MRE11: variants seen among roughly 807,000 people sequenced by gnomAD.
MRE11 encodes double-strand break repair protein MRE11.
Under a neutral mutation model 91.7 loss-of-function variants are expected in MRE11, and 62 were observed. That is an observed-to-expected ratio of 0.68 (90% CI 0.55 to 0.84). The LOEUF is 0.84. MRE11 is among the 40% of genes least tolerant of loss of function. MRE11 has a pLI of 0.00. For synonymous variants in MRE11, 273 were observed against 271.4 expected, an observed-to-expected ratio of 1.01 and a Z score of -0.06; for missense variants, 796 against 852.9, an observed-to-expected ratio of 0.93 and a Z score of 0.83.
At chr11:94,437,931 C>T (rs1305487868) in intron 16 of MRE11, among the ~76,000 whole-genome samples, 1 of 151,904 alleles carries the variant, frequency 6.6e-6, no homozygotes, top group Non-Finnish European at 1.5e-5. Flanking sequence ...TCAAGACAAG[C>T]CTGGCCAACA....
chr11:94,426,315 T>G (rs1052609519), intron 19 of MRE11, among the ~76,000 whole-genome samples: 2 of 151,962 alleles, frequency 1.3e-5, no homozygotes, highest in Admixed American at 6.6e-5. Flanking sequence ...ATTAATTTCA[T>G]TAATGAAAAT....
intron 4 of MRE11, 40 bp downstream of exon 4, chr11:94,485,884 A>C (rs902417858): frequency 6.3e-7 from 1 of 1,589,610 alleles, no homozygotes. Flanking sequence ...CAAATACCAT[A>C]CACAAGTAAT....
chr11:94,479,845 T>C (rs746869869), intron 4 of MRE11, 84 bp from the exon 5 acceptor site: 7 of 1,066,738 alleles, frequency 6.6e-6, no homozygotes, highest in Non-Finnish European at 9.9e-6. Context: ...ATTAATGCAA[T>C]CATAGGCAAA....
At chr11:94,494,066 C>CT, upstream of MRE11, 1 of 152,514 alleles carries the variant, frequency 6.6e-6, no homozygotes, top group Non-Finnish European at 1.5e-5. Context: ...CCGGACCTCG[C>CT]TTTTTGATGG....
chr11:94,449,827 G>C (rs1463053958), intron 14 of MRE11, among the ~76,000 whole-genome samples: 1 of 152,148 alleles, frequency 6.6e-6, no homozygotes, highest in Admixed American at 6.5e-5. Context: ...ATGTATTTGG[G>C]TATCTAAGCA....
At position 94,416,126 on chromosome 11, in the gene MRE11, A is replaced by C. The variant is rs1945027528; in HGVS notation, c.*3999T>G. On this transcript the variant is annotated 3_prime_UTR_variant, in exon 20 of 20. Transcript: ENST00000323929. ...GTGCCCGGTGCTGGGATTCTAATTC[A>C]ACAATTTTTCTTGGTAGTCTTGCCA... 1 of 152,188 alleles carries C rather than the reference A, an allele frequency of 6.6e-6. No individual in the cohort carries two copies. The highest frequency in any genetic ancestry group is 6.5e-5 in the Admixed American group (1 of 15,282). 9.4% of individuals were successfully genotyped at this position (152,188 alleles called of 1,614,324 possible).
Position 94,471,688 on chromosome 11 carries a change from C to A in MRE11, c.731G>T (p.Gly244Val), listed in dbSNP as rs1289228769. ...LDDFIDLVIW[G>V]HEHECKIAPT... ...AGCTATTTTACACTCATGTTCATGG[C>A]CCCAGATAACAAGATCAATGAAGTC... The change falls in exon 8 of 20, where the codon GGC becomes GTC. Residue 244 changes from glycine to valine, a missense_variant. Physicochemically the swap from Gly to Val is moderately radical, Grantham distance 109. Coordinates refer to ENST00000323929, the MANE Select transcript of MRE11 (RefSeq NM_005591.4). 1 of 1,612,618 alleles carries A rather than the reference C, an allele frequency of 6.2e-7. No homozygotes were observed. Among genetic ancestry groups the A allele is most frequent in the Non-Finnish European group, 8.5e-7 (1 of 1,179,116 alleles).
At chr11:94,476,226 G>T in intron 7 of MRE11, 63 bp downstream of exon 7, 1 of 1,025,914 alleles carries the variant, frequency 9.7e-7, no homozygotes, top group Non-Finnish European at 1.5e-6. Context: ...AAATAGGTAA[G>T]CTCAGAAACA....
In MRE11 at chr11:94,459,519, G is replaced by C. The variant is rs1226046388; in HGVS notation, c.1389C>G (p.Asp463Glu). ...GMGEAVQEFVDKEEKDAIEEL... is the reference protein window; with the variant it reads ...GMGEAVQEFVEKEEKDAIEEL... ...CCTCAATGGCATCTTTCTCCTCCTT[G>C]TCCACAAATTCTTGTACTGCTTCAC... Residue 463 changes from aspartate to glutamate, a missense_variant, in exon 13 of 20, where the codon GAC becomes GAG. Coordinates refer to ENST00000323929, the MANE Select transcript of MRE11 (RefSeq NM_005591.4). 1 of 1,613,936 alleles carries C rather than the reference G, an allele frequency of 6.2e-7. No individual in the cohort carries two copies. The highest frequency in any genetic ancestry group is 8.5e-7 in the Non-Finnish European group (1 of 1,179,898).
chr11:94,478,499 T>C (rs145771792), intron 6 of MRE11, among the ~76,000 whole-genome samples: 1 of 152,204 alleles, frequency 6.6e-6, no homozygotes, highest in East Asian at 1.9e-4. Context: ...TATTCTATAA[T>C]TCTAACATTC....
Position 94,468,040 on chromosome 11 carries a change from T to C in MRE11, c.1018-147A>G, listed in dbSNP as rs1452833330. 5 of 675,830 alleles carry C rather than the reference T, an allele frequency of 7.4e-6. No homozygotes were observed. In the Admixed American group the frequency reaches 9.5e-5, roughly 13 times the overall value. The allele number at this position is 675,830 out of a possible 1,614,324, so 41.9% of individuals were successfully genotyped here. A position where few individuals can be genotyped will look rare whatever the true frequency, so the allele number is the denominator to read the frequency against. ...TTATGACACCTTTTCAAATATACCTTCTTGTAATGCTCCTTTAATACTATT... is the reference window on the plus strand; with the variant it reads ...TTATGACACCTTTTCAAATATACCTCCTTGTAATGCTCCTTTAATACTATT... On this transcript the variant is annotated intron_variant, in intron 9 of 19. Transcript: ENST00000323929.
At chr11:94,495,153 C>T (rs1947394716), upstream of MRE11, among the ~76,000 whole-genome samples, 1 of 152,110 alleles carries the variant, frequency 6.6e-6, no homozygotes, top group Non-Finnish European at 1.5e-5. Context: ...GAGTTTAGTG[C>T]TATTGCCACT....
At chr11:94,447,559 T>C in intron 14 of MRE11, 121 bp from the exon 15 acceptor site, 1 of 995,692 alleles carries the variant, frequency 1.0e-6, no homozygotes, top group Non-Finnish European at 1.5e-6. Flanking sequence ...GCTGACACAG[T>C]GGCTCACGCC....
intron 7 of MRE11, among the ~76,000 whole-genome samples, chr11:94,474,202 T>C (rs374030277): frequency 3.9e-5 from 6 of 152,048 alleles, no homozygotes; most frequent in African/African-American, 1.4e-4. Flanking sequence ...CAGGGCTAGG[T>C]AGGAAAATAT....
Position 94,492,638 on chromosome 11 carries a change from A to G in MRE11, c.20+144T>C, listed in dbSNP as rs187413809. 8 of 1,341,452 alleles carry G rather than the reference A, an allele frequency of 6.0e-6. No individual in the cohort carries two copies. In the Admixed American group the frequency reaches 1.5e-4, roughly 26 times the overall value. The allele number at this position is 1,341,452 out of a possible 1,614,324, so 83.1% of individuals were successfully genotyped here. On this transcript the variant is annotated intron_variant, in intron 2 of 19. Coordinates refer to ENST00000323929, the MANE Select transcript of MRE11 (RefSeq NM_005591.4). ...CAGATAAATATTTAAAACATTCCAA[A>G]TACCCTTTTTGATGACTAATATTTC...
At chr11:94,426,330 A>T (rs1414551518) in intron 19 of MRE11, among the ~76,000 whole-genome samples, 8 of 152,132 alleles carry the variant, frequency 5.3e-5, no homozygotes, top group Non-Finnish European at 2.9e-5. Context: ...GAAAATAAAA[A>T]TAGAATCACA....
At chr11:94,423,135 C>T (rs1233969506) in intron 19 of MRE11, among the ~76,000 whole-genome samples, 2 of 152,162 alleles carry the variant, frequency 1.3e-5, no homozygotes, top group African/African-American at 4.8e-5. Flanking sequence ...ATATTTTGAG[C>T]AGATCTTTGG....
At chr11:94,433,228 T>C (rs1389308598) in intron 18 of MRE11, among the ~76,000 whole-genome samples, 2 of 152,232 alleles carry the variant, frequency 1.3e-5, no homozygotes, top group African/African-American at 2.4e-5. Context: ...TCCTTTCAGA[T>C]AAGCTTGTTT....
chr11:94,509,495 T>C, the MRE11 span, among the ~76,000 whole-genome samples: 1 of 152,120 alleles, frequency 6.6e-6, no homozygotes, highest in Admixed American at 6.5e-5. Flanking sequence ...CAGGCTGGAG[T>C]GCAGTGATGC....
Sources: gnomAD v4.1 joint callset for allele counts (sites outside exome capture counted in the v4.1 genomes callset) on GRCh38, gnomAD v4.1.1 for gene constraint, MANE v1.5 for transcripts, NCBI Gene and HGNC (gene_info 2026-07-23, HGNC 2026-07-21) for gene names.